Variants in ANK3 observed in about 807,000 individuals in gnomAD.
ANK3 encodes ankyrin-3.
A neutral mutation model predicts 370.9 loss-of-function variants in ANK3; 57 were observed. That is an observed-to-expected ratio of 0.15 (90% CI 0.12 to 0.19). ANK3 has a LOEUF of 0.19. Ranked by LOEUF, ANK3 falls within the 10% of genes least tolerant of loss-of-function variation. The pLI, the probability that ANK3 is intolerant of heterozygous loss-of-function variation, is 1.00. For synonymous variants in ANK3, 1,929 were observed against 1,946.3 expected (o/e 0.99, Z 0.23); for missense variants, 4,439 against 5,302.1 (o/e 0.84, Z 5.06).
At chr10:60,180,219 C>T (rs10994243) in intron 18 of ANK3, among the ~76,000 whole-genome samples, 8,713 of 152,266 alleles carry the variant, frequency 0.057, 441 homozygotes, top group East Asian at 0.23. Flanking sequence ...CCATATACCT[C>T]AGAACCTGCC....
At chr10:60,278,617 C>A in intron 4 of ANK3, among the ~76,000 whole-genome samples, 157 bp downstream of exon 4, 2 of 152,240 alleles carry the variant, frequency 1.3e-5, no homozygotes, top group South Asian at 4.1e-4. Context: ...GTGATCTGCC[C>A]GCCTTTGCCT....
intron 2 of ANK3, among the ~76,000 whole-genome samples, chr10:60,602,518 T>C (rs1159534024): frequency 3.9e-5 from 6 of 152,136 alleles, no homozygotes; most frequent in Non-Finnish European, 7.4e-5. Flanking sequence ...ACCTTACCAT[T>C]TGAAAAGGGT....
intron 25 of ANK3, among the ~76,000 whole-genome samples, chr10:60,119,846 T>C (rs1008482846): frequency 6.6e-6 from 1 of 152,124 alleles, no homozygotes; most frequent in African/African-American, 2.4e-5. Context: ...GGGGAATCAA[T>C]AGTGTTAAAT....
intron 1 of ANK3, among the ~76,000 whole-genome samples, chr10:60,385,076 T>C (rs774454362): frequency 6.6e-6 from 1 of 152,122 alleles, no homozygotes; most frequent in Non-Finnish European, 1.5e-5. Context: ...CACAGTCCTC[T>C]CTTCTACCAC....
rs191173061 is a variant in ANK3 at position 60,475,853 on chromosome 10, A to T, written c.96+139333T>A. Among the ~76,000 whole-genome samples, 4 of 152,328 alleles carry T rather than the reference A, an allele frequency of 2.6e-5. No individual in the cohort carries two copies. The East Asian group carries it at 5.8e-4, about 22-fold the overall frequency. ...TTTCGAAAAAATCTGGTTCTGAAGC[A>T]GCCAAGATACACCAAAGACACACAC... On this transcript the variant is annotated intron_variant, in intron 2 of 43. Coordinates refer to the ANK3 transcript ENST00000373827.
rs33919087 is a variant in ANK3 at position 60,436,088 on chromosome 10, C to CAAAA, written c.97-156453_97-156450dup. Among the ~76,000 whole-genome samples, 5 of 145,190 alleles carry CAAAA rather than the reference C, an allele frequency of 3.4e-5. No homozygotes were observed. In the South Asian group the frequency reaches 8.8e-4, roughly 25 times the overall value. ...GGGCGACAAGAACGAGACTCCGTCTCAAAAAAAAATAAATAAATAAATAAA... is the reference window on the plus strand; with the variant it reads ...GGGCGACAAGAACGAGACTCCGTCTCAAAAAAAAAAAAATAAATAAATAAATAAA... On this transcript the variant is annotated intron_variant, in intron 2 of 43. Coordinates refer to the ANK3 transcript ENST00000373827.
intron 1 of ANK3, among the ~76,000 whole-genome samples, chr10:60,319,879 T>C (rs2048258262): frequency 6.6e-6 from 1 of 152,158 alleles, no homozygotes; most frequent in African/African-American, 2.4e-5. Context: ...TGTTATCTCT[T>C]TCCCTAGTCA....
Position 60,068,716 on chromosome 10 carries a change from T to G in ANK3, c.12165A>C (p.Arg4055Ser). 3 of 1,614,170 alleles carry G rather than the reference T, an allele frequency of 1.9e-6. No individual in the cohort carries two copies. Among genetic ancestry groups the G allele is most frequent in the Non-Finnish European group, 2.5e-6 (3 of 1,180,006 alleles). ...AAGGTGCTGCCTCTGTTTTCTTATCTCTAGCAGACTTCGTTGTAACCGAAG... is the reference window on the plus strand; with the variant it reads ...AAGGTGCTGCCTCTGTTTTCTTATCGCTAGCAGACTTCGTTGTAACCGAAG... ...GQPSVTTKSARDKKTEAAPLK... is the reference protein window; with the variant it reads ...GQPSVTTKSASDKKTEAAPLK... Residue 4055 changes from arginine to serine, a missense_variant, in exon 37 of 44, where the codon AGA becomes AGC. Transcript: ENST00000280772.
At chr10:60,468,799 T>A (rs1380738394) in intron 2 of ANK3, among the ~76,000 whole-genome samples, 2 of 151,608 alleles carry the variant, frequency 1.3e-5, no homozygotes, top group East Asian at 3.9e-4. Context: ...GTTATTGTGA[T>A]TTGTTATTGC....
At chr10:60,588,348 C>T (rs913049577) in intron 2 of ANK3, among the ~76,000 whole-genome samples, 1 of 151,682 alleles carries the variant, frequency 6.6e-6, no homozygotes, top group African/African-American at 2.4e-5. Context: ...CCATGCTTGG[C>T]TAATTTTTGT....
chr10:60,064,516 G>A (rs1341140177), intron 38 of ANK3, among the ~76,000 whole-genome samples: 1 of 151,938 alleles, frequency 6.6e-6, no homozygotes, highest in Non-Finnish European at 1.5e-5. Flanking sequence ...ATTTTTTTTA[G>A]AGACCATCTT....
At position 60,068,809 on chromosome 10, in the gene ANK3, C is replaced by G; in HGVS notation, c.12072G>C (p.Glu4024Asp). The G allele has an allele frequency of 6.2e-7, 1 of 1,614,250 alleles. No individual in the cohort carries two copies. Among genetic ancestry groups the G allele is most frequent in the Non-Finnish European group, 8.5e-7 (1 of 1,180,038 alleles). ...AGGTACTTTCTTCCTCATCGGACAA[C>G]TCGGACTGCATCTTTTTTTCTTCTT... ...LSEEEKKMQS[E>D]LSDEEESTSR... Residue 4024 changes from glutamate to aspartate, a missense_variant, in exon 37 of 44, where the codon GAG becomes GAC. By Grantham distance (45) the Glu-to-Asp change is conservative. This residue lies in a region of ANK3 where 496 missense variants were observed against 529.3 expected (regional missense o/e 0.94). Transcript: ENST00000280772.
At chr10:60,519,190 C>T (rs1359315449) in intron 2 of ANK3, among the ~76,000 whole-genome samples, 1 of 152,122 alleles carries the variant, frequency 6.6e-6, no homozygotes, top group Non-Finnish European at 1.5e-5. Context: ...CCGGGTGAGA[C>T]ATTAAAGAAT....
intron 28 of ANK3, among the ~76,000 whole-genome samples, chr10:60,091,807 T>C (rs535472364): frequency 6.6e-6 from 1 of 151,498 alleles, no homozygotes; most frequent in Non-Finnish European, 1.5e-5. Flanking sequence ...CTCCACTCAC[T>C]GCAAGCTCTG....
rs750812788 is a variant in ANK3, at chr10:60,264,017, C to T, written c.517G>A (p.Gly173Ser). The T allele has an allele frequency of 6.2e-7, 1 of 1,613,558 alleles. No individual in the cohort carries two copies. The highest frequency in any genetic ancestry group is 1.7e-5 in the Admixed American group (1 of 59,994). Residue 173 changes from glycine to serine, a missense_variant, in exon 6 of 44, where the codon GGC becomes AGC. Around this residue, in one of 13 missense-constraint regions of ANK3, gnomAD observed 136 missense variants for 230.5 expected, o/e 0.59. Coordinates refer to ENST00000280772, the MANE Select transcript of ANK3 (RefSeq NM_020987.5). ...GASQSLATED[G>S]FTPLAVALQQ... ...AAAGCCACTGCCAATGGTGTGAAGC[C>T]ATCCTGCAAATAAATGGATGGGTCA...
At chr10:60,307,159 G>A (rs1341324266) in intron 1 of ANK3, among the ~76,000 whole-genome samples, 1 of 152,176 alleles carries the variant, frequency 6.6e-6, no homozygotes, top group Non-Finnish European at 1.5e-5. Context: ...ATGGTCATTT[G>A]TTTACAAATT....
chr10:60,179,387 C>T (rs10821694), intron 18 of ANK3, among the ~76,000 whole-genome samples: 42,310 of 152,114 alleles, frequency 0.28, 6,041 homozygotes, highest in African/African-American at 0.32. Flanking sequence ...TGCCAGATAT[C>T]ATACGGGGTA....
rs3045340 is a variant in ANK3, at chr10:60,100,234, G to GTTTTTTTTTTTTTTTTTTTTT, written c.3328+5650_3328+5670dup. Among the ~76,000 whole-genome samples the GTTTTTTTTTTTTTTTTTTTTT allele has an allele frequency of 2.8e-4, 16 of 57,900 alleles. 2 individuals are homozygous for GTTTTTTTTTTTTTTTTTTTTT. Among genetic ancestry groups the GTTTTTTTTTTTTTTTTTTTTT allele is most frequent in the African/African-American group, 5.1e-4 (6 of 11,736 alleles). 38.0% of individuals were successfully genotyped at this position (57,900 alleles called of 152,430 possible). A position where few individuals can be genotyped will look rare whatever the true frequency, so the allele number is the denominator to read the frequency against. On this transcript the variant is annotated intron_variant, in intron 28 of 43. Transcript: ENST00000280772. ...GGCTGAAAGTCAGTATTTTGCTATGGTTTTTTTTTTTTTTTTTTTTTTGCA... is the reference window on the plus strand; with the variant it reads ...GGCTGAAAGTCAGTATTTTGCTATGGTTTTTTTTTTTTTTTTTTTTTTTTTTTTTTTTTTTTTTTTTTTGCA...
chr10:60,314,906 G>A (rs529730163), intron 1 of ANK3, among the ~76,000 whole-genome samples: 189 of 152,282 alleles, frequency 1.2e-3, no homozygotes, highest in Non-Finnish European at 2.4e-3. Context: ...TTGTGTTCTG[G>A]ATCTCAGAGT....
Sources: allele counts gnomAD v4.1 joint callset (sites outside exome capture counted in the v4.1 genomes callset), GRCh38; gene constraint gnomAD v4.1.1; regional missense constraint gnomAD v4.1.1; transcripts MANE v1.5; gene names NCBI Gene and HGNC (gene_info 2026-07-23, HGNC 2026-07-21).